Variants in VOPP1 observed in about 807,000 individuals in gnomAD.
VOPP1 encodes WW domain binding protein VOPP1.
In VOPP1, 8 loss-of-function variants were observed where a neutral mutation model predicts 23.5. That is an observed-to-expected ratio of 0.34 (90% CI 0.20 to 0.61). VOPP1 has a LOEUF of 0.61. Among genes scored for constraint, VOPP1 ranks in the 20% least tolerant of loss-of-function variants. The pLI, the probability that VOPP1 is intolerant of heterozygous loss-of-function variation, is 0.78. For synonymous variants in VOPP1, 83 were observed against 97.3 expected, an observed-to-expected ratio of 0.85 and a Z score of 0.86; for missense variants, 174 against 238.1, an observed-to-expected ratio of 0.73 and a Z score of 1.77.
intron 1 of VOPP1, among the ~76,000 whole-genome samples, chr7:55,532,249 T>G (rs1400311800): frequency 2.6e-5 from 4 of 152,246 alleles, no homozygotes. Context: ...ACACAGCACC[T>G]GCCGCATGCC....
intron 2 of VOPP1, among the ~76,000 whole-genome samples, chr7:55,500,853 C>T (rs774222079): frequency 1.3e-5 from 2 of 152,232 alleles, no homozygotes; most frequent in Non-Finnish European, 2.9e-5. Context: ...TGGACTTGGC[C>T]AGCATTTCAG....
At chr7:55,523,309 G>A (rs1184758601) in intron 1 of VOPP1, among the ~76,000 whole-genome samples, 2 of 152,030 alleles carry the variant, frequency 1.3e-5, no homozygotes, top group Non-Finnish European at 2.9e-5. Flanking sequence ...TACACAAAAA[G>A]AATCACAGTT....
At chr7:55,442,992 G>A (rs1489640419) in intron 4 of VOPP1, among the ~76,000 whole-genome samples, 13 of 152,020 alleles carry the variant, frequency 8.6e-5, no homozygotes, top group East Asian at 7.8e-4. Flanking sequence ...GGTGGCAGGC[G>A]CCTGTAGTCC....
chr7:55,498,453 G>C (rs1454843955), intron 2 of VOPP1, among the ~76,000 whole-genome samples: 1 of 62,372 alleles, frequency 1.6e-5, no homozygotes, highest in Non-Finnish European at 3.5e-5. Context: ...AGGCACTCAG[G>C]TGAGGCACTC....
intron 1 of VOPP1, among the ~76,000 whole-genome samples, chr7:55,564,683 G>A (rs1263868117): frequency 2.6e-5 from 4 of 152,110 alleles, no homozygotes; most frequent in African/African-American, 7.2e-5. Flanking sequence ...CCTCCTGTCC[G>A]CAGGTGTGCA....
intron 1 of VOPP1, among the ~76,000 whole-genome samples, chr7:55,571,458 G>T (rs1420601003): frequency 6.6e-6 from 1 of 152,190 alleles, no homozygotes; most frequent in African/African-American, 2.4e-5. Flanking sequence ...AAACTAAGGA[G>T]AAAGTTGAAC....
intron 1 of VOPP1, among the ~76,000 whole-genome samples, chr7:55,554,801 A>G (rs1797747542): frequency 6.6e-6 from 1 of 152,190 alleles, no homozygotes; most frequent in Non-Finnish European, 1.5e-5. Context: ...GACCAGAAAT[A>G]TAGATTTTGG....
chr7:55,541,450 AAGAC>A (rs1251215089), intron 1 of VOPP1, among the ~76,000 whole-genome samples: 1 of 152,226 alleles, frequency 6.6e-6, no homozygotes, highest in Non-Finnish European at 1.5e-5. Flanking sequence ...TATAATAAAA[AAGAC>A]AGACAATAAC....
intron 1 of VOPP1, among the ~76,000 whole-genome samples, chr7:55,555,119 A>G (rs1797757719): frequency 6.6e-6 from 1 of 152,240 alleles, no homozygotes; most frequent in Admixed American, 6.5e-5. Context: ...TATACTTTTT[A>G]AAAAGGAACC....
At chr7:55,495,307 A>C (rs1174833119) in intron 3 of VOPP1, among the ~76,000 whole-genome samples, 2 of 152,198 alleles carry the variant, frequency 1.3e-5, no homozygotes, top group African/African-American at 2.4e-5. Flanking sequence ...AAGATCTTGG[A>C]GTTGGCAGGA....
intron 4 of VOPP1, among the ~76,000 whole-genome samples, chr7:55,445,182 G>A (rs1785329445): frequency 6.6e-6 from 1 of 150,936 alleles, no homozygotes; most frequent in African/African-American, 2.4e-5. Context: ...TCTTTCTTTT[G>A]CTCTCTCTCT....
rs754514898 is a variant in VOPP1, at chr7:55,472,971, C to A, written c.403G>T (p.Ala135Ser). The A allele has an allele frequency of 5.7e-6, 9 of 1,590,976 alleles. No individual in the cohort carries two copies. Among genetic ancestry groups the A allele is most frequent in the East Asian group, 2.3e-5 (1 of 43,140 alleles). The change falls in exon 5 of 5, where the codon GCA becomes TCA. Residue 135 changes from alanine to serine, a missense_variant. By Grantham distance (99) the Ala-to-Ser change is moderately conservative. Transcript: ENST00000285279. ...TTGGGTGGGACCTGGAAAGCCATTG[C>A]CATGGAATTCCCGACAGGGTTCATC... is the stretch of plus-strand genomic sequence containing the variant. ...PGMNPVGNSM[A>S]MAFQVPPNSP... is the part of the protein sequence containing the mutation.
intron 4 of VOPP1, among the ~76,000 whole-genome samples, chr7:55,480,169 T>C (rs1792597165): frequency 2.0e-5 from 3 of 152,258 alleles, no homozygotes; most frequent in African/African-American, 7.2e-5. Flanking sequence ...CAGTAATTGA[T>C]ACATTCATTA....
At chr7:55,482,482 A>ATTT (rs71031859) in intron 4 of VOPP1, among the ~76,000 whole-genome samples, 16 of 132,800 alleles carry the variant, frequency 1.2e-4, no homozygotes, top group African/African-American at 4.7e-4. Flanking sequence ...CACCTGGCTA[A>ATTT]TTTTTTTTTT....
At chr7:55,478,915 CCT>C (rs958701231) in intron 4 of VOPP1, among the ~76,000 whole-genome samples, 3 of 152,144 alleles carry the variant, frequency 2.0e-5, no homozygotes, top group African/African-American at 4.8e-5. Flanking sequence ...CCCAGGCGGA[CCT>C]CTCTCAGCCA....
chr7:55,484,108 A>G (rs1198561221), intron 4 of VOPP1, among the ~76,000 whole-genome samples: 1 of 152,084 alleles, frequency 6.6e-6, no homozygotes, highest in Non-Finnish European at 1.5e-5. Context: ...TCACTGCCAT[A>G]ATATAGACTG....
chr7:55,530,503 G>A (rs772937001), intron 1 of VOPP1, among the ~76,000 whole-genome samples: 9 of 152,152 alleles, frequency 5.9e-5, no homozygotes, highest in Non-Finnish European at 7.3e-5. Flanking sequence ...CTAAGGTCTC[G>A]AAGAGGTGAA....
In VOPP1 at chr7:55,521,148, A is replaced by T. The variant is rs1795823191; in HGVS notation, c.55-18T>A. 1 of 1,566,218 alleles carries T rather than the reference A, an allele frequency of 6.4e-7. No homozygotes were observed. Among genetic ancestry groups the T allele is most frequent in the Admixed American group, 1.9e-5 (1 of 52,808 alleles). Reference sequence around the variant, plus strand: ...TCTGTGCACTGCAAATAGAAGCAAGAAAAAGTTTGTCAGTACTCAGGAATC... The same window carrying T: ...TCTGTGCACTGCAAATAGAAGCAAGTAAAAGTTTGTCAGTACTCAGGAATC... On this transcript the variant is annotated intron_variant, in intron 1 of 4. Coordinates refer to ENST00000285279, the MANE Select transcript of VOPP1 (RefSeq NM_030796.5).
chr7:55,438,531 A>C (rs1790887078), intron 4 of VOPP1, among the ~76,000 whole-genome samples: 1 of 152,200 alleles, frequency 6.6e-6, no homozygotes, highest in South Asian at 2.1e-4. Flanking sequence ...CACCAAAGTC[A>C]ACACTCGGAG....
Sources: allele counts gnomAD v4.1 joint callset (sites outside exome capture counted in the v4.1 genomes callset), GRCh38; gene constraint gnomAD v4.1.1; transcripts MANE v1.5; gene names NCBI Gene and HGNC (gene_info 2026-07-23, HGNC 2026-07-21).